NXN: variants seen among roughly 807,000 people sequenced by gnomAD.
NXN encodes nucleoredoxin 1.
NXN carries 16 observed loss-of-function variants against 48.6 expected under a neutral mutation model. That is an observed-to-expected ratio of 0.33 (90% CI 0.22 to 0.50). The LOEUF (loss-of-function observed/expected upper bound fraction) is 0.50, where lower values mean the gene tolerates loss of function less well. Ranked by LOEUF, NXN falls within the 20% of genes least tolerant of loss-of-function variation. The pLI is 0.98. For missense variants in NXN, 492 were observed against 605.5 expected (o/e 0.81, Z 1.97); for synonymous variants, 281 against 269.6 (o/e 1.04, Z -0.41).
chr17:822,716 C>T (rs899146850), intron 3 of NXN, among the ~76,000 whole-genome samples: 1 of 152,158 alleles, frequency 6.6e-6, no homozygotes, highest in African/African-American at 2.4e-5. Context: ...ATAAACTTGC[C>T]TCTCTTAATG....
At chr17:937,126 G>A (rs1245933752) in intron 1 of NXN, among the ~76,000 whole-genome samples, 2 of 152,022 alleles carry the variant, frequency 1.3e-5, no homozygotes, top group African/African-American at 2.4e-5. Context: ...GGGATTACAG[G>A]CACCCAGCAC....
At chr17:814,019 G>A (rs892827466) in intron 5 of NXN, among the ~76,000 whole-genome samples, 7 of 151,870 alleles carry the variant, frequency 4.6e-5, no homozygotes, top group Non-Finnish European at 7.4e-5. Flanking sequence ...CCAGCACTTT[G>A]GGAGGCCAAG....
At chr17:979,243 G>A in intron 1 of NXN, 76 bp downstream of exon 1, 1 of 1,030,290 alleles carries the variant, frequency 9.7e-7, no homozygotes, top group Non-Finnish European at 1.2e-6. Flanking sequence ...GAGGGCAGGG[G>A]TAACGGGCGT....
At chr17:968,127 G>A (rs1448396921) in intron 1 of NXN, among the ~76,000 whole-genome samples, 4 of 150,094 alleles carry the variant, frequency 2.7e-5, no homozygotes, top group South Asian at 2.1e-4. Context: ...ATGAGATGAC[G>A]GCTGGGACTA....
At chr17:979,259 G>A in intron 1 of NXN, 60 bp downstream of exon 1, 7 of 1,211,846 alleles carry the variant, frequency 5.8e-6, no homozygotes, top group Non-Finnish European at 7.4e-6. Context: ...GGCGTGGGGG[G>A]CGGGCAGGGG....
At chr17:860,011 G>A (rs946397554) in intron 1 of NXN, among the ~76,000 whole-genome samples, 3 of 152,144 alleles carry the variant, frequency 2.0e-5, no homozygotes, top group Non-Finnish European at 4.4e-5. Context: ...TCTGCAGTAA[G>A]GAAGTTGGAA....
intron 1 of NXN, among the ~76,000 whole-genome samples, chr17:973,047 A>G (rs73978311): frequency 0.14 from 21,196 of 149,996 alleles, 2,268 homozygotes; most frequent in African/African-American, 0.29. Context: ...AAAAAAAAAA[A>G]GGTAGAATCA....
At chr17:865,533 C>A (rs1323695442) in intron 1 of NXN, among the ~76,000 whole-genome samples, 2 of 151,936 alleles carry the variant, frequency 1.3e-5, no homozygotes. Context: ...TGAGCCACCA[C>A]GCCCGGCCGA....
At chr17:964,211 A>G (rs1403640117) in intron 1 of NXN, among the ~76,000 whole-genome samples, 2 of 152,244 alleles carry the variant, frequency 1.3e-5, no homozygotes, top group Non-Finnish European at 2.9e-5. Flanking sequence ...CAGGAAAGCC[A>G]TAATTTGTGC....
chr17:910,498 C>T (rs1175174446), intron 1 of NXN, among the ~76,000 whole-genome samples: 1 of 151,496 alleles, frequency 6.6e-6, no homozygotes, highest in Non-Finnish European at 1.5e-5. Flanking sequence ...TTTTTTAAAG[C>T]TCTCAATGCA....
intron 1 of NXN, among the ~76,000 whole-genome samples, chr17:897,932 C>T (rs9897884): frequency 0.16 from 24,484 of 152,134 alleles, 2,142 homozygotes; most frequent in Middle Eastern, 0.33. Flanking sequence ...CCGCCCACCT[C>T]GGCCTCCCGA....
At chr17:875,498 C>G (rs2068203881) in intron 1 of NXN, among the ~76,000 whole-genome samples, 1 of 152,174 alleles carries the variant, frequency 6.6e-6, no homozygotes, top group South Asian at 2.1e-4. Flanking sequence ...GGTCTCTTAT[C>G]TCAAAAGTCT....
chr17:815,691 T>C (rs1912433859), intron 5 of NXN, among the ~76,000 whole-genome samples: 1 of 152,252 alleles, frequency 6.6e-6, no homozygotes, highest in Admixed American at 6.5e-5. Flanking sequence ...TGAGGGCCAG[T>C]GTCCACTCTA....
In NXN at chr17:845,506, A is replaced by G. The variant is rs73289784; in HGVS notation, c.361-19428T>C. 9.6e-3 allele frequency among the ~76,000 whole-genome samples: 1,462 copies of G among 152,296 alleles called. 21 individuals carry two copies. Among genetic ancestry groups the G allele is most frequent in the African/African-American group, 0.034 (1,393 of 41,562 alleles). On this transcript the variant is annotated intron_variant, in intron 1 of 7. Coordinates refer to ENST00000336868, the MANE Select transcript of NXN (RefSeq NM_022463.5). ...AGAATCCTACCATCATCACCCTTAC[A>G]GGCTGGACATCCAAAGACCATCTCA...
At chr17:835,268 A>ACTG (rs1913745705) in intron 1 of NXN, among the ~76,000 whole-genome samples, 3 of 150,916 alleles carry the variant, frequency 2.0e-5, no homozygotes, top group Non-Finnish European at 4.4e-5. Flanking sequence ...AGATCGTGCC[A>ACTG]CTGCACTCCA....
At chr17:808,288 G>A (rs924441375) in intron 5 of NXN, among the ~76,000 whole-genome samples, 1 of 150,260 alleles carries the variant, frequency 6.7e-6, no homozygotes, top group Non-Finnish European at 1.5e-5. Flanking sequence ...CCTTGAAGCA[G>A]GTTCTCTGAA....
chr17:863,823 A>T (rs1254533273), intron 1 of NXN: 5 of 780,964 alleles, frequency 6.4e-6, no homozygotes, highest in Non-Finnish European at 1.0e-5. Flanking sequence ...GGACCCTTGC[A>T]ATTCAAATCC....
chr17:822,374 G>T lies in NXN; in HGVS notation c.696C>A (p.Ile232=). The change falls in exon 4 of 8, where the codon ATC becomes ATA. Residue 232 remains isoleucine, a synonymous_variant. Transcript: ENST00000336868. The part of the protein sequence containing the change: ...IKEAGQNFEI[I]FVSADRSEES... ...CGACTGACCTGTCTGCACTAACGAA[G>T]ATGATCTCGAAGTTCTGGCCTGCCT... The T allele has an allele frequency of 6.2e-7, 1 of 1,613,910 alleles. No homozygotes were observed. Among genetic ancestry groups the T allele is most frequent in the Non-Finnish European group, 8.5e-7 (1 of 1,179,806 alleles).
At chr17:852,902 A>C (rs73289801) in intron 1 of NXN, among the ~76,000 whole-genome samples, 2,482 of 152,258 alleles carry the variant, frequency 0.016, 59 homozygotes, top group African/African-American at 0.057. Context: ...TCAGAGTCCC[A>C]GGGACTCATG....
Sources: gnomAD v4.1 joint callset for allele counts (sites outside exome capture counted in the v4.1 genomes callset) on GRCh38, gnomAD v4.1.1 for gene constraint, MANE v1.5 for transcripts, NCBI Gene and HGNC (gene_info 2026-07-23, HGNC 2026-07-21) for gene names.